Variants in ADK observed in about 807,000 individuals in gnomAD.
The protein encoded by ADK is adenosine kinase.
Under a neutral mutation model 44.7 loss-of-function variants are expected in ADK, and 24 were observed. The ratio of observed to expected loss-of-function variants is 0.54; its 90% confidence interval spans 0.39 to 0.76. The LOEUF (loss-of-function observed/expected upper bound fraction) is 0.76. Among genes scored for constraint, ADK ranks in the 30% least tolerant of loss-of-function variants. The pLI, the probability that ADK is intolerant of heterozygous loss-of-function variation, is 0.00. For missense variants in ADK, 321 were observed against 425.1 expected (o/e 0.76, Z 2.15); for synonymous variants, 128 against 142.6 (o/e 0.90, Z 0.73).
intron 6 of ADK, among the ~76,000 whole-genome samples, chr10:74,400,602 A>C (rs756099165): frequency 6.6e-5 from 10 of 152,204 alleles, no homozygotes; most frequent in Non-Finnish European, 1.5e-4. Flanking sequence ...CATATGGTCA[A>C]ACCATAAATT....
chr10:74,699,357 ATATACT>A (rs1418662968), intron 10 of ADK, among the ~76,000 whole-genome samples: 2 of 151,978 alleles, frequency 1.3e-5, no homozygotes, highest in East Asian at 1.9e-4. Flanking sequence ...TATTGGAATA[ATATACT>A]TAAAATGCAG....
intron 4 of ADK, among the ~76,000 whole-genome samples, chr10:74,393,083 G>A (rs1421450674): frequency 6.6e-6 from 1 of 152,058 alleles, no homozygotes; most frequent in Non-Finnish European, 1.5e-5. Flanking sequence ...TGGTCATTAA[G>A]CTGTTACTAT....
intron 6 of ADK, among the ~76,000 whole-genome samples, chr10:74,524,215 C>A (rs921461393): frequency 6.6e-6 from 1 of 151,968 alleles, no homozygotes; most frequent in African/African-American, 2.4e-5. Context: ...ACATAAATAG[C>A]ATTTTAAATG....
rs1326537757 is a variant in ADK at position 74,509,958 on chromosome 10, A to C, written c.556-15298A>C. Among the ~76,000 whole-genome samples, 3 of 152,170 alleles carry C rather than the reference A, an allele frequency of 2.0e-5. 1 individual carries two copies. In the East Asian group the frequency reaches 5.8e-4, roughly 29 times the overall value. On this transcript the variant is annotated intron_variant, in intron 6 of 10. Coordinates refer to ENST00000539909, the MANE Select transcript of ADK (RefSeq NM_006721.4). ...AATGGTTTTTCTTTGTGTATACATT[A>C]CACATTTTCTTTATCCATTCATTTG...
chr10:74,552,220 A>C (rs1215749429), intron 7 of ADK, among the ~76,000 whole-genome samples: 5 of 152,114 alleles, frequency 3.3e-5, no homozygotes, highest in Admixed American at 3.3e-4. Flanking sequence ...AAATAGTGAA[A>C]TGTCTTAGCC....
At chr10:74,233,804 AGC>A (rs1844867160) in intron 3 of ADK, among the ~76,000 whole-genome samples, 1 of 152,198 alleles carries the variant, frequency 6.6e-6, no homozygotes, top group South Asian at 2.1e-4. Flanking sequence ...CTGAATTTCT[AGC>A]ATAAAACTCT....
intron 7 of ADK, among the ~76,000 whole-genome samples, chr10:74,568,265 C>A (rs959743990): frequency 6.6e-6 from 1 of 152,078 alleles, no homozygotes; most frequent in Non-Finnish European, 1.5e-5. Context: ...GATTGGACAT[C>A]CTTTATGTAT....
intron 9 of ADK, among the ~76,000 whole-genome samples, chr10:74,605,617 T>C (rs770950928): frequency 1.3e-5 from 2 of 152,196 alleles, no homozygotes; most frequent in Non-Finnish European, 2.9e-5. Flanking sequence ...ATAGATAAGC[T>C]TTTTGATGTG....
intron 3 of ADK, among the ~76,000 whole-genome samples, chr10:74,296,327 AT>A (rs1839813870): frequency 6.6e-6 from 1 of 152,154 alleles, no homozygotes; most frequent in African/African-American, 2.4e-5. Context: ...TAAGAAGGAA[AT>A]AATTATGTAT....
At chr10:74,539,452 A>T (rs887912449) in intron 7 of ADK, among the ~76,000 whole-genome samples, 2 of 152,160 alleles carry the variant, frequency 1.3e-5, no homozygotes, top group African/African-American at 4.8e-5. Flanking sequence ...TTCCCCCATG[A>T]ATTGAGGGAA....
intron 6 of ADK, among the ~76,000 whole-genome samples, chr10:74,519,447 A>T (rs1848722750): frequency 6.6e-6 from 1 of 151,994 alleles, no homozygotes; most frequent in Admixed American, 6.5e-5. Context: ...TGCACTAGTC[A>T]CATTTTAAGT....
intron 5 of ADK, among the ~76,000 whole-genome samples, chr10:74,397,977 C>G (rs995448297): frequency 1.3e-5 from 2 of 152,150 alleles, no homozygotes; most frequent in Non-Finnish European, 2.9e-5. Flanking sequence ...AAATTAATTC[C>G]TCTTAGCGAA....
intron 6 of ADK, among the ~76,000 whole-genome samples, chr10:74,426,795 A>AT (rs1284894546): frequency 6.6e-6 from 1 of 151,668 alleles, no homozygotes; most frequent in Non-Finnish European, 1.5e-5. Flanking sequence ...TTTTTTTCTT[A>AT]TTTTTTTATT....
At chr10:74,365,860 A>G (rs1842482866) in intron 4 of ADK, among the ~76,000 whole-genome samples, 1 of 152,224 alleles carries the variant, frequency 6.6e-6, no homozygotes, top group Non-Finnish European at 1.5e-5. Flanking sequence ...GTACATCCTC[A>G]CTAACTCTTG....
chr10:74,550,868 T>C (rs1850010628), intron 7 of ADK, among the ~76,000 whole-genome samples: 3 of 152,218 alleles, frequency 2.0e-5, no homozygotes. Flanking sequence ...AGTTACTTTT[T>C]AGAGACAAGG....
intron 1 of ADK, among the ~76,000 whole-genome samples, chr10:74,177,651 T>C (rs958069600): frequency 6.6e-6 from 1 of 152,144 alleles, no homozygotes; most frequent in Admixed American, 6.5e-5. Context: ...AATTGCCTTA[T>C]ATACCCAGTG....
At chr10:74,197,302 T>A (rs1159315098) in intron 1 of ADK, among the ~76,000 whole-genome samples, 1 of 152,152 alleles carries the variant, frequency 6.6e-6, no homozygotes, top group Admixed American at 6.5e-5. Flanking sequence ...CAAATGACCT[T>A]AACTGAATTG....
chr10:74,478,728 C>G (rs1846949947), intron 6 of ADK, among the ~76,000 whole-genome samples: 1 of 152,126 alleles, frequency 6.6e-6, no homozygotes, highest in Non-Finnish European at 1.5e-5. Context: ...CTGTTGAATT[C>G]CAAATAGCTT....
At chr10:74,480,283 GT>G (rs1847021094) in intron 6 of ADK, among the ~76,000 whole-genome samples, 1 of 149,678 alleles carries the variant, frequency 6.7e-6, no homozygotes, top group Non-Finnish European at 1.5e-5. Flanking sequence ...CTGGAGTGCA[GT>G]GTGGTATGAT....
Sources: allele counts gnomAD v4.1 joint callset (sites outside exome capture counted in the v4.1 genomes callset), GRCh38; gene constraint gnomAD v4.1.1; transcripts MANE v1.5; gene names NCBI Gene and HGNC (gene_info 2026-07-23, HGNC 2026-07-21).